Variants in GRID2 observed in about 807,000 individuals in gnomAD.
The protein encoded by GRID2 is glutamate ionotropic receptor delta type subunit 2.
A neutral mutation model predicts 114.8 loss-of-function variants in GRID2; 33 were observed. The observed-to-expected ratio is 0.29, with a 90% CI of 0.22 to 0.38. GRID2 has a LOEUF of 0.38. Ranked by LOEUF, GRID2 falls within the 10% of genes least tolerant of loss-of-function variation. The pLI is 1.00. For synonymous variants in GRID2, 505 were observed against 449.9 expected, an observed-to-expected ratio of 1.12 and a Z score of -1.55; for missense variants, 1,184 against 1,257.7, an observed-to-expected ratio of 0.94 and a Z score of 0.89.
chr4:92,818,906 G>A (rs988783049), intron 2 of GRID2, among the ~76,000 whole-genome samples: 66 of 152,106 alleles, frequency 4.3e-4, no homozygotes, highest in African/African-American at 1.5e-3. Context: ...TTATCTGCTT[G>A]ATATACCCTT....
intron 14 of GRID2, among the ~76,000 whole-genome samples, chr4:93,675,871 C>A (rs549053241): frequency 6.6e-6 from 1 of 152,272 alleles, no homozygotes; most frequent in South Asian, 2.1e-4. Context: ...ATGGCTTATA[C>A]TTTCCACTCC....
chr4:93,091,375 G>C (rs1034164495), intron 3 of GRID2, among the ~76,000 whole-genome samples: 1 of 152,106 alleles, frequency 6.6e-6, no homozygotes, highest in Non-Finnish European at 1.5e-5. Flanking sequence ...CGTGAATAGA[G>C]CCATCTGGTA....
At chr4:93,578,167 C>T (rs889390944) in intron 13 of GRID2, among the ~76,000 whole-genome samples, 9 of 152,202 alleles carry the variant, frequency 5.9e-5, no homozygotes, top group African/African-American at 1.9e-4. Context: ...CTATTCCACC[C>T]TCCCATCAAC....
rs150986163 is a variant in GRID2 at position 92,356,979 on chromosome 4, A to T, written c.88+52235A>T. ...TTTTCTTTAACCAGCAAATTACCAA[A>T]TTATTATGGTTTCTAAGAGCAACAT... On this transcript the variant is annotated intron_variant, in intron 1 of 15. Coordinates refer to ENST00000282020, the MANE Select transcript of GRID2 (RefSeq NM_001510.4). Among the ~76,000 whole-genome samples the T allele has an allele frequency of 5.1e-3, 777 of 151,908 alleles. 5 individuals carry two copies. Among genetic ancestry groups the T allele is most frequent in the South Asian group, 0.029 (138 of 4,824 alleles).
At chr4:92,363,692 C>T (rs1346335875) in intron 1 of GRID2, among the ~76,000 whole-genome samples, 1 of 151,682 alleles carries the variant, frequency 6.6e-6, no homozygotes, top group Non-Finnish European at 1.5e-5. Flanking sequence ...ATACTATGTT[C>T]CTAAAATATC....
chr4:92,352,796 G>T (rs1485072642), intron 1 of GRID2, among the ~76,000 whole-genome samples: 5 of 151,924 alleles, frequency 3.3e-5, no homozygotes, highest in African/African-American at 7.2e-5. Flanking sequence ...GGTGTTCTTT[G>T]TCTGTTCTGG....
chr4:92,433,368 T>C (rs1352529437), intron 1 of GRID2, among the ~76,000 whole-genome samples: 1 of 152,172 alleles, frequency 6.6e-6, no homozygotes, highest in African/African-American at 2.4e-5. Flanking sequence ...CAAGTTTATG[T>C]AGGTTGCCAG....
At chr4:93,225,440 C>T (rs1333388338) in intron 7 of GRID2, among the ~76,000 whole-genome samples, 2 of 152,058 alleles carry the variant, frequency 1.3e-5, no homozygotes, top group African/African-American at 2.4e-5. Context: ...TGACATTTTC[C>T]ATTTGTCTTG....
intron 2 of GRID2, among the ~76,000 whole-genome samples, chr4:93,044,712 G>A (rs1344404218): frequency 6.6e-6 from 1 of 152,108 alleles, no homozygotes; most frequent in African/African-American, 2.4e-5. Flanking sequence ...GTGCATAAGT[G>A]ATCATTTAAA....
intron 2 of GRID2, among the ~76,000 whole-genome samples, chr4:92,742,625 T>C (rs1247326550): frequency 6.6e-6 from 1 of 152,220 alleles, no homozygotes; most frequent in African/African-American, 2.4e-5. Flanking sequence ...TGTTTGATTT[T>C]TGGTCTTCAC....
intron 1 of GRID2, among the ~76,000 whole-genome samples, chr4:92,488,671 G>C (rs1036723886): frequency 1.3e-5 from 2 of 152,124 alleles, no homozygotes; most frequent in Admixed American, 1.3e-4. Flanking sequence ...TTTAATCAAA[G>C]AAATGTTAAT....
chr4:92,426,881 A>G (rs1414003337), intron 1 of GRID2, among the ~76,000 whole-genome samples: 1 of 152,106 alleles, frequency 6.6e-6, no homozygotes, highest in Non-Finnish European at 1.5e-5. Context: ...TGACATGAAA[A>G]TCATATTTAG....
At chr4:92,620,955 A>G (rs1403643515) in intron 2 of GRID2, among the ~76,000 whole-genome samples, 2 of 151,046 alleles carry the variant, frequency 1.3e-5, no homozygotes, top group Non-Finnish European at 3.0e-5. Context: ...TAATAATAAT[A>G]ATGAAGACAC....
intron 14 of GRID2, among the ~76,000 whole-genome samples, chr4:93,767,842 A>T (rs866000792): frequency 6.6e-6 from 1 of 152,238 alleles, no homozygotes; most frequent in Non-Finnish European, 1.5e-5. Flanking sequence ...GCAAGAGTAC[A>T]AATATAGGTT....
chr4:93,616,051 A>G (rs1230085966), intron 13 of GRID2, among the ~76,000 whole-genome samples: 1 of 152,166 alleles, frequency 6.6e-6, no homozygotes, highest in Admixed American at 6.5e-5. Context: ...TCTTGTAGTC[A>G]TATGTCTAAA....
chr4:92,766,033 C>G (rs984272117), intron 2 of GRID2, among the ~76,000 whole-genome samples: 1 of 152,158 alleles, frequency 6.6e-6, no homozygotes, highest in African/African-American at 2.4e-5. Flanking sequence ...CTGATTCTCT[C>G]TCACTGAAAG....
At chr4:93,534,139 C>CA (rs1339689347) in intron 13 of GRID2, among the ~76,000 whole-genome samples, 4 of 152,092 alleles carry the variant, frequency 2.6e-5, no homozygotes, top group African/African-American at 9.7e-5. Context: ...TTACCTTTTC[C>CA]AGAAACTTTC....
At chr4:93,690,897 TTA>T (rs1218783838) in intron 14 of GRID2, among the ~76,000 whole-genome samples, 3 of 136,756 alleles carry the variant, frequency 2.2e-5, no homozygotes, top group South Asian at 2.2e-4. Context: ...TTATAACACT[TTA>T]TGTTATGTAG....
chr4:92,390,439 T>C (rs1730185746), intron 1 of GRID2, among the ~76,000 whole-genome samples: 4 of 152,114 alleles, frequency 2.6e-5, no homozygotes, highest in Admixed American at 2.6e-4. Context: ...AAAGGGTGGC[T>C]CTCCCTTGGT....
Sources: gnomAD v4.1 joint callset for allele counts (sites outside exome capture counted in the v4.1 genomes callset) on GRCh38, gnomAD v4.1.1 for gene constraint, MANE v1.5 for transcripts, NCBI Gene and HGNC (gene_info 2026-07-23, HGNC 2026-07-21) for gene names.